TPH2: variants seen among roughly 807,000 people sequenced by gnomAD.
TPH2 encodes the protein tryptophan 5-hydroxylase 2.
TPH2 carries 27 observed loss-of-function variants against 59.1 expected under a neutral mutation model. The ratio of observed to expected loss-of-function variants is 0.46; its 90% CI spans 0.34 to 0.63. The LOEUF (loss-of-function observed/expected upper bound fraction) is 0.63. Ranked by LOEUF, TPH2 falls within the 30% of genes least tolerant of loss-of-function variation. The pLI, the probability that TPH2 is intolerant of heterozygous loss-of-function variation, is 0.01. For missense variants in TPH2, 523 were observed against 588.3 expected (o/e 0.89, Z 1.15); for synonymous variants, 220 against 210.5 (o/e 1.05, Z -0.39).
intron 8 of TPH2, among the ~76,000 whole-genome samples, chr12:72,018,898 C>A (rs1873334292): frequency 6.6e-6 from 1 of 152,174 alleles, no homozygotes; most frequent in Admixed American, 6.5e-5. Context: ...AAATCCTGAG[C>A]TCTAGATCTC....
At chr12:71,952,738 G>A (rs1246543534) in intron 5 of TPH2, among the ~76,000 whole-genome samples, 1 of 152,128 alleles carries the variant, frequency 6.6e-6, no homozygotes, top group Non-Finnish European at 1.5e-5. Context: ...AGCCAGATGT[G>A]CAACCTCATT....
Position 71,944,602 on chromosome 12 carries a change from C to T in TPH2, c.456C>T (p.Pro152=). 6.2e-7 allele frequency: 1 copy of T among 1,613,936 alleles called. No homozygotes were observed. The highest frequency in any genetic ancestry group is 1.1e-5 in the South Asian group (1 of 91,080). The change falls in exon 4 of 11, where the codon CCC becomes CCT. Residue 152 remains proline (P), a synonymous_variant. Transcript: ENST00000333850. ...TTTCAACAGAGCTAGAGGATGTGCC[C>T]TGGTTCCCTCGGAAGATCTCTGAGT... The part of the protein sequence containing the change: ...WTEEEELEDV[P]WFPRKISELD...
At chr12:71,976,075 G>C (rs1047097870) in intron 6 of TPH2, among the ~76,000 whole-genome samples, 7 of 152,164 alleles carry the variant, frequency 4.6e-5, no homozygotes, top group Admixed American at 4.6e-4. Flanking sequence ...AGAATGTCAG[G>C]GCTTGAGTCC....
chr12:71,977,918 C>A (rs956035832), intron 6 of TPH2, among the ~76,000 whole-genome samples: 1 of 152,198 alleles, frequency 6.6e-6, no homozygotes, highest in Non-Finnish European at 1.5e-5. Context: ...CAATGGACCT[C>A]ATGCATAGTG....
chr12:72,028,729 T>C (rs920951391), intron 9 of TPH2, among the ~76,000 whole-genome samples: 1 of 152,164 alleles, frequency 6.6e-6, no homozygotes, highest in Non-Finnish European at 1.5e-5. Flanking sequence ...CCATACTCCA[T>C]GGGTGGAAAG....
intron 7 of TPH2, among the ~76,000 whole-genome samples, chr12:71,993,517 T>C (rs1872626524): frequency 6.6e-6 from 1 of 152,234 alleles, no homozygotes; most frequent in East Asian, 1.9e-4. Context: ...CAGGAAGGCA[T>C]CTGCCTTGTA....
chr12:71,956,496 T>TTTCCCTCCCTCCCTCCTTCCCTCC (rs1871505961), intron 5 of TPH2, among the ~76,000 whole-genome samples: 1 of 5,000 alleles, frequency 2.0e-4, no homozygotes, highest in African/African-American at 5.3e-4. Flanking sequence ...TCCCTCCTTC[T>TTTCCCTCCCTCCCTCCTTCCCTCC]TTCCCTCCCT....
chr12:72,012,222 G>A (rs962261707), intron 8 of TPH2, among the ~76,000 whole-genome samples: 1 of 149,924 alleles, frequency 6.7e-6, no homozygotes, highest in Non-Finnish European at 1.5e-5. Context: ...ACAAAAGTCA[G>A]ACCCTCTTCC....
intron 7 of TPH2, among the ~76,000 whole-genome samples, chr12:71,992,150 G>A (rs919436133): frequency 1.3e-5 from 2 of 152,228 alleles, no homozygotes; most frequent in East Asian, 3.8e-4. Flanking sequence ...ACTTGTGCTA[G>A]CTAGCTTGGC....
chr12:71,994,890 A>C (rs1004762718), intron 8 of TPH2, among the ~76,000 whole-genome samples: 1 of 152,232 alleles, frequency 6.6e-6, no homozygotes, highest in Non-Finnish European at 1.5e-5. Flanking sequence ...CAGACAACAA[A>C]TAAGTAAATA....
chr12:71,964,809 G>A (rs1871771298), intron 5 of TPH2: 1 of 912,760 alleles, frequency 1.1e-6, no homozygotes, highest in Non-Finnish European at 1.3e-6. Flanking sequence ...TTTAGGTTTA[G>A]GGGTACATGT....
intron 5 of TPH2, among the ~76,000 whole-genome samples, chr12:71,959,180 T>C (rs749704895): frequency 6.6e-6 from 1 of 151,864 alleles, no homozygotes; most frequent in Non-Finnish European, 1.5e-5. Context: ...GATATTTGAG[T>C]AGATACATAA....
chr12:71,996,153 A>G (rs1872688976), intron 8 of TPH2, among the ~76,000 whole-genome samples: 1 of 152,238 alleles, frequency 6.6e-6, no homozygotes, highest in South Asian at 2.1e-4. Flanking sequence ...TTGGCTTCCA[A>G]AATGGCTCAC....
chr12:71,952,575 G>T (rs1050341152), intron 5 of TPH2, among the ~76,000 whole-genome samples: 1 of 152,112 alleles, frequency 6.6e-6, no homozygotes, highest in African/African-American at 2.4e-5. Context: ...AAAGCAAAGG[G>T]TATTTACCTA....
At position 71,978,330 on chromosome 12, in the gene TPH2, GT is replaced by G. The variant is rs550128748; in HGVS notation, c.806-621del. On this transcript the variant is annotated intron_variant, in intron 6 of 10. Coordinates refer to ENST00000333850, the MANE Select transcript of TPH2 (RefSeq NM_173353.4). ...GATGACTCACAACCTAATTGAATTA[GT>G]GGTATAGGGCAGGTTTATAGACTTT... Among the ~76,000 whole-genome samples, 101 of 152,174 alleles carry G rather than the reference GT, an allele frequency of 6.6e-4. No homozygotes were observed. The South Asian group carries it at 0.02, about 31-fold the overall frequency.
chr12:71,969,651 G>A (rs1294846282), intron 5 of TPH2, among the ~76,000 whole-genome samples: 2 of 152,156 alleles, frequency 1.3e-5, no homozygotes, highest in Non-Finnish European at 2.9e-5. Context: ...TTGTATATGA[G>A]ATTTTCTACA....
At chr12:71,968,954 G>GTT (rs1871893269) in intron 5 of TPH2, among the ~76,000 whole-genome samples, 1 of 152,094 alleles carries the variant, frequency 6.6e-6, no homozygotes, top group Admixed American at 6.6e-5. Flanking sequence ...TATGACTTCT[G>GTT]TTATATATAT....
At position 71,941,722 on chromosome 12, in the gene TPH2, AG is replaced by A; in HGVS notation, c.246del (p.Arg82SerfsTer45). 1 of 1,614,018 alleles carries A rather than the reference AG, an allele frequency of 6.2e-7. No individual in the cohort carries two copies. The highest frequency in any genetic ancestry group is 8.5e-7 in the Non-Finnish European group (1 of 1,179,878). ...AGTTGGTGGATTGGTAAAAGCACTG[AG>A]GCTCTTTCAGGTGAATGTGAAATAT... ...NEVGGLVKAL[R>X]LFQEKRVNMV... is the part of the protein sequence containing the mutation. On this transcript the variant is annotated frameshift_variant, in exon 2 of 11. Transcript: ENST00000333850. LOFTEE classifies it high-confidence loss of function.
intron 5 of TPH2, chr12:71,962,397 C>A (rs1034076462): frequency 2.0e-6 from 2 of 985,424 alleles, no homozygotes; most frequent in African/African-American, 3.5e-5. Context: ...TTTACATATG[C>A]TGCTTTCTTT....
Sources: gnomAD v4.1 joint callset for allele counts (sites outside exome capture counted in the v4.1 genomes callset) on GRCh38, gnomAD v4.1.1 for gene constraint, MANE v1.5 for transcripts, NCBI Gene and HGNC (gene_info 2026-07-23, HGNC 2026-07-21) for gene names.